The following ASTN2 variants were observed in gnomAD, a reference collection of about 807,000 sequenced individuals.
ASTN2 encodes astrotactin-2.
ASTN2 carries 54 observed loss-of-function variants against 139.8 expected under a neutral mutation model. That is an observed-to-expected ratio of 0.39 (90% confidence interval 0.31 to 0.48). ASTN2 has a LOEUF of 0.48. Among genes scored for constraint, ASTN2 ranks in the 20% least tolerant of loss-of-function variants. ASTN2 has a pLI of 0.95. For synonymous variants in ASTN2, 756 were observed against 719.5 expected (o/e 1.05, Z -0.81); for missense variants, 1,565 against 1,725.1 (o/e 0.91, Z 1.64).
rs1309972039 is a variant in ASTN2, at chr9:117,414,346, C to A, written c.442+151G>T. 1.7e-5 allele frequency: 22 copies of A among 1,303,620 alleles called. No individual in the cohort carries two copies. Among genetic ancestry groups the A allele is most frequent in the Non-Finnish European group, 2.0e-5 (20 of 991,712 alleles). 80.8% of individuals were successfully genotyped at this position (1,303,620 alleles called of 1,614,324 possible). A position where few individuals can be genotyped will look rare whatever the true frequency, so the allele number is the denominator to read the frequency against. ...CCTCCCACATGCTCGTTTCCAACCA[C>A]CTGTGCGACCTCTGGGCCCCTCCTC... On this transcript the variant is annotated intron_variant, in intron 1 of 22. Transcript: ENST00000313400. This position sits in a 1 kb window ranked among gnomAD's most constrained non-coding sequence, Gnocchi z 4.2.
At chr9:116,454,274 T>C (rs1240044779) in intron 20 of ASTN2, among the ~76,000 whole-genome samples, 1 of 152,138 alleles carries the variant, frequency 6.6e-6, no homozygotes, top group African/African-American at 2.4e-5. Flanking sequence ...CTATACCCTA[T>C]GACAAAGTAG....
intron 1 of ASTN2, 24 bp from the exon 2 acceptor site, chr9:117,291,537 T>A (rs752043522): frequency 6.4e-7 from 1 of 1,568,030 alleles, no homozygotes; most frequent in Non-Finnish European, 8.7e-7. Flanking sequence ...CCCGAGGCAC[T>A]GGGTGAGCCG....
chr9:117,158,946 G>A (rs939901695), intron 3 of ASTN2, among the ~76,000 whole-genome samples: 2 of 151,828 alleles, frequency 1.3e-5, no homozygotes, highest in African/African-American at 2.4e-5. Flanking sequence ...ATCCCTTTCT[G>A]CATCCTTGTC....
intron 22 of ASTN2, among the ~76,000 whole-genome samples, chr9:116,439,194 A>ATTTTTTTTTTTTTTTTTTTTTTTTTTT (rs1016270368): frequency 1.8e-5 from 1 of 56,690 alleles, no homozygotes; most frequent in Non-Finnish European, 3.0e-5. Flanking sequence ...ATTCAAATAC[A>ATTTTTTTTTTTTTTTTTTTTTTTTTTT]TTTTTTTTTT....
chr9:117,024,027 A>G (rs897300921), intron 6 of ASTN2, among the ~76,000 whole-genome samples: 3 of 152,126 alleles, frequency 2.0e-5, no homozygotes, highest in Non-Finnish European at 4.4e-5. Context: ...CTGCAGGTCA[A>G]CTAGGGAGAG....
chr9:116,654,083 G>GCCGT (rs1176340906), intron 16 of ASTN2, among the ~76,000 whole-genome samples: 2 of 152,196 alleles, frequency 1.3e-5, no homozygotes, highest in African/African-American at 4.8e-5. Flanking sequence ...GGAGAGAATA[G>GCCGT]CCGTTCGGGG....
chr9:116,689,518 AG>A (rs766064961), intron 16 of ASTN2, among the ~76,000 whole-genome samples: 1 of 152,164 alleles, frequency 6.6e-6, no homozygotes, highest in Non-Finnish European at 1.5e-5. Flanking sequence ...AGGCTTAGGA[AG>A]TGACTTGCCT....
chr9:117,270,016 G>A (rs758120509), intron 2 of ASTN2, among the ~76,000 whole-genome samples: 1 of 152,080 alleles, frequency 6.6e-6, no homozygotes. Flanking sequence ...GAATTAATTT[G>A]CCCTAAATCA....
At chr9:117,018,537 G>C (rs1837782340) in intron 6 of ASTN2, among the ~76,000 whole-genome samples, 6 of 152,182 alleles carry the variant, frequency 3.9e-5, no homozygotes, top group Admixed American at 3.3e-4. Flanking sequence ...ATGTTTGTAA[G>C]TGTTCCTTTT....
intron 16 of ASTN2, among the ~76,000 whole-genome samples, chr9:116,716,461 A>G (rs1167591955): frequency 2.0e-5 from 3 of 152,176 alleles, no homozygotes; most frequent in Non-Finnish European, 4.4e-5. Flanking sequence ...TCACCACTGC[A>G]ATTTCTAATT....
At chr9:116,996,385 T>C (rs899149139) in intron 7 of ASTN2, among the ~76,000 whole-genome samples, 6 of 152,244 alleles carry the variant, frequency 3.9e-5, no homozygotes, top group African/African-American at 9.6e-5. Flanking sequence ...TGAGATAATA[T>C]ATGTGAAGGC....
chr9:117,391,941 A>G (rs1486840757), intron 1 of ASTN2, among the ~76,000 whole-genome samples: 2 of 152,202 alleles, frequency 1.3e-5, no homozygotes, highest in Non-Finnish European at 2.9e-5. Flanking sequence ...GAATAGTCAA[A>G]TCTTAAATCT....
chr9:116,439,194 A>ATTTTTTTTTTTTT (rs1016270368), intron 22 of ASTN2, among the ~76,000 whole-genome samples: 1,172 of 56,654 alleles, frequency 0.021, 134 homozygotes, highest in Admixed American at 0.028. Context: ...ATTCAAATAC[A>ATTTTTTTTTTTTT]TTTTTTTTTT....
intron 4 of ASTN2, among the ~76,000 whole-genome samples, chr9:117,135,394 C>T (rs1211833635): frequency 6.6e-6 from 1 of 152,176 alleles, no homozygotes; most frequent in Admixed American, 6.5e-5. Flanking sequence ...ACCAAATGCT[C>T]AGTAGATGGT....
At chr9:116,822,658 G>GT (rs1212122244) in intron 11 of ASTN2, among the ~76,000 whole-genome samples, 2 of 152,122 alleles carry the variant, frequency 1.3e-5, no homozygotes, top group African/African-American at 4.8e-5. Context: ...TACCACACTT[G>GT]TTTTTTTAAA....
At chr9:116,990,019 A>G (rs1836805767) in intron 7 of ASTN2, among the ~76,000 whole-genome samples, 1 of 151,590 alleles carries the variant, frequency 6.6e-6, no homozygotes, top group Non-Finnish European at 1.5e-5. Flanking sequence ...GTCTTTCTCT[A>G]TGTCTCCTTT....
intron 16 of ASTN2, among the ~76,000 whole-genome samples, chr9:116,657,978 C>T (rs974101699): frequency 6.6e-6 from 1 of 151,686 alleles, no homozygotes; most frequent in African/African-American, 2.4e-5. Context: ...ACCTCCACCT[C>T]CTGGATTCAA....
intron 17 of ASTN2, among the ~76,000 whole-genome samples, chr9:116,638,128 C>T (rs760309141): frequency 2.0e-5 from 3 of 152,092 alleles, no homozygotes; most frequent in Non-Finnish European, 4.4e-5. Flanking sequence ...TCTTTCTTCT[C>T]GTAGCCTCTG....
rs138350662 is a variant in ASTN2 at position 117,186,474 on chromosome 9, G to A, written c.1015+27884C>T. On this transcript the variant is annotated intron_variant, in intron 3 of 22. Transcript: ENST00000313400. ...AAGCAGGAGAATGGTGCGGGCCTGG[G>A]AGGCAGAGCTTGCTGTGAGCCGAAA... 1.6e-4 allele frequency among the ~76,000 whole-genome samples: 25 copies of A among 152,210 alleles called. No individual in the cohort carries two copies. In the East Asian group the frequency reaches 4.6e-3, roughly 28 times the overall value.
Sources: allele counts gnomAD v4.1 joint callset (sites outside exome capture counted in the v4.1 genomes callset), GRCh38; gene constraint gnomAD v4.1.1; non-coding constraint Gnocchi (gnomAD v3.1); transcripts MANE v1.5; gene names NCBI Gene and HGNC (gene_info 2026-07-23, HGNC 2026-07-21).